The following KCNC3 variants were observed in gnomAD, a reference collection of about 807,000 sequenced individuals.
KCNC3 encodes the protein potassium voltage-gated channel subfamily C member 3.
In KCNC3, 22 loss-of-function variants were observed where a neutral mutation model predicts 43.9. The ratio of observed to expected loss-of-function variants is 0.50; its 90% CI spans 0.36 to 0.72. KCNC3 has a LOEUF of 0.72. Among genes scored for constraint, KCNC3 ranks in the 30% least tolerant of loss-of-function variants. The pLI is 0.00. For synonymous variants in KCNC3, 492 were observed against 488.0 expected (o/e 1.01, Z -0.11); for missense variants, 829 against 1,073.8 (o/e 0.77, Z 3.19).
Position 50,324,060 on chromosome 19 carries a change from A to T in KCNC3, c.893T>A (p.Phe298Tyr). Residue 298 changes from phenylalanine to tyrosine, a missense_variant, in exon 2 of 5, where the codon TTC becomes TAC. By Grantham distance (22) the Phe-to-Tyr change is conservative. Around this residue, in one of 7 missense-constraint regions of KCNC3, gnomAD observed 157 missense variants for 293.5 expected, o/e 0.53. Coordinates refer to ENST00000477616, the MANE Select transcript of KCNC3 (RefSeq NM_004977.3). The surrounding 1 kb of genome is among the most constrained non-coding windows in gnomAD (Gnocchi z 4.1). ...AARYVAFASL[F>Y]FILISITTFC... is the part of the protein sequence containing the mutation. ...GGTGGTGATGGAGATGAGGATGAAG[A>T]AGAGGGAGGCGAAGGCCACATACTG... 1 of 1,601,178 alleles carries T rather than the reference A, an allele frequency of 6.2e-7. No homozygotes were observed. Among genetic ancestry groups the T allele is most frequent in the Non-Finnish European group, 8.5e-7 (1 of 1,172,462 alleles).
chr19:50,315,907 T>C lies in KCNC3; in HGVS notation c.*208A>G, dbSNP rs2036945488. On this transcript the variant is annotated 3_prime_UTR_variant, in exon 5 of 5. Coordinates refer to ENST00000477616, the MANE Select transcript of KCNC3 (RefSeq NM_004977.3). ...ACCCCCGCAGGGAGCTCTGTGGCTT[T>C]TCCAGGCAACGCTAAGGGAGCTGTC... 1 of 330,338 alleles carries C rather than the reference T, an allele frequency of 3.0e-6. No homozygotes were observed. The highest frequency in any genetic ancestry group is 5.8e-6 in the Non-Finnish European group (1 of 171,534). 20.5% of individuals were successfully genotyped at this position (330,338 alleles called of 1,614,324 possible). A position where few individuals can be genotyped will look rare whatever the true frequency, so the allele number is the denominator to read the frequency against.
intron 4 of KCNC3, among the ~76,000 whole-genome samples, chr19:50,318,188 TGA>T: frequency 6.6e-6 from 1 of 152,124 alleles, no homozygotes; most frequent in East Asian, 1.9e-4. Context: ...TTCTTTTTTT[TGA>T]GAGGGAGTCT....
intron 3 of KCNC3, 87 bp downstream of exon 3, chr19:50,320,506 C>G: frequency 7.7e-7 from 1 of 1,303,692 alleles, no homozygotes; most frequent in Admixed American, 2.0e-5. Context: ...AAGTCCACCG[C>G]CTCCTCCCCC....
At chr19:50,316,488 C>T (rs891827384) in intron 4 of KCNC3, among the ~76,000 whole-genome samples, 6 of 152,050 alleles carry the variant, frequency 3.9e-5, no homozygotes, top group African/African-American at 1.4e-4. Flanking sequence ...GACCTGTAAT[C>T]CCAACACTTT....
In KCNC3 at chr19:50,322,981, G is replaced by T. The variant is rs755973472; in HGVS notation, c.1972C>A (p.Arg658=). The part of the protein sequence containing the change: ...LAQEEVIEIN[R]ADPRPNGDPA... ...CCCTGACGCCCAGGCTCACCTGCCC[G>T]GTTGATCTCAATCACCTCCTCCTGA... The change falls in exon 2 of 5, where the codon CGG becomes AGG. Residue 658 remains arginine (R), a synonymous_variant. Transcript: ENST00000477616. 6.4e-7 allele frequency: 1 copy of T among 1,550,444 alleles called. No individual in the cohort carries two copies. Among genetic ancestry groups the T allele is most frequent in the Admixed American group, 2.0e-5 (1 of 51,246 alleles).
chr19:50,317,598 T>C (rs1464947340), intron 4 of KCNC3, among the ~76,000 whole-genome samples: 1 of 152,088 alleles, frequency 6.6e-6, no homozygotes, highest in Admixed American at 6.6e-5. Context: ...TCTTTCTCCC[T>C]GGACTCCAGC....
chr19:50,327,984 T>G, intron 1 of KCNC3, among the ~76,000 whole-genome samples: 1 of 137,506 alleles, frequency 7.3e-6, no homozygotes. Flanking sequence ...TTTGGAGGGG[T>G]CTGGAAGAGC....
At chr19:50,332,268 C>A (rs1170585215), upstream of KCNC3, among the ~76,000 whole-genome samples, 1 of 152,202 alleles carries the variant, frequency 6.6e-6, no homozygotes, top group Non-Finnish European at 1.5e-5. The surrounding 1 kb of genome is among the most constrained non-coding windows in gnomAD (Gnocchi z 5.8). Context: ...CACACTCCCC[C>A]CTCAACCCTG....
chr19:50,313,962 G>GTCAGTC lies in KCNC3; in HGVS notation c.*2147_*2152dup, dbSNP rs1181710666. The GTCAGTC allele has an allele frequency of 6.6e-6, 1 of 152,106 alleles. No homozygotes were observed. The highest frequency in any genetic ancestry group is 2.4e-5 in the African/African-American group (1 of 41,382). 9.4% of individuals were successfully genotyped at this position (152,106 alleles called of 1,614,324 possible). A position where few individuals can be genotyped will look rare whatever the true frequency, so the allele number is the denominator to read the frequency against. On this transcript the variant is annotated 3_prime_UTR_variant, in exon 5 of 5. Transcript: ENST00000477616. ...GGATTGGGAGATGTGGCGTGCCAGG[G>GTCAGTC]TCAGTCTCAGAATTCTGGGTGCAGG...
upstream of KCNC3, among the ~76,000 whole-genome samples, chr19:50,332,356 G>T (rs112689161): frequency 3.9e-5 from 6 of 152,214 alleles, no homozygotes; most frequent in Non-Finnish European, 8.8e-5. This position sits in a 1 kb window ranked among gnomAD's most constrained non-coding sequence, Gnocchi z 5.8. Context: ...GAGGTCAGAA[G>T]TGTGGGAGAA....
At chr19:50,316,380 G>A (rs1407370591) in intron 4 of KCNC3, among the ~76,000 whole-genome samples, 2 of 151,988 alleles carry the variant, frequency 1.3e-5, no homozygotes, top group Non-Finnish European at 2.9e-5. Context: ...GATGTAGGAG[G>A]GAGGAGCAGG....
intron 1 of KCNC3, among the ~76,000 whole-genome samples, chr19:50,326,073 G>T (rs1334253181): frequency 6.6e-6 from 1 of 152,156 alleles, no homozygotes; most frequent in Non-Finnish European, 1.5e-5. Flanking sequence ...GGAAGGGGGC[G>T]GGGGCAGGGG....
At chr19:50,325,768 T>C (rs939775118) in intron 1 of KCNC3, among the ~76,000 whole-genome samples, 1 of 151,756 alleles carries the variant, frequency 6.6e-6, no homozygotes, top group South Asian at 2.1e-4. Context: ...CGCGGACAGC[T>C]CCCCCGCCGC....
chr19:50,328,732 C>G lies in KCNC3; in HGVS notation c.351G>C (p.Leu117=), dbSNP rs1415848261. Residue 117 remains leucine, a synonymous_variant, in exon 1 of 5, where the codon CTG becomes CTC. Coordinates refer to ENST00000477616, the MANE Select transcript of KCNC3 (RefSeq NM_004977.3). ...AGCGTGCCGCCGCCTCGGGCTCCGT[C>G]AGGCCGGCCAGCCGCGTCCCCGGCA... The part of the protein sequence containing the change: ...RTLPGTRLAG[L]TEPEAAARFD... The G allele has an allele frequency of 6.3e-7, 1 of 1,595,532 alleles. No homozygotes were observed. The highest frequency in any genetic ancestry group is 1.1e-5 in the South Asian group (1 of 89,242).
Position 50,320,677 on chromosome 19 carries a change from C to T in KCNC3, c.2086G>A (p.Gly696Arg). The change falls in exon 3 of 5, where the codon GGA (glycine) becomes AGA (arginine). Residue 696 changes from glycine to arginine, a missense_variant. Gly to Arg is a moderately radical substitution (Grantham distance 125). Around this residue, in one of 7 missense-constraint regions of KCNC3, gnomAD observed 308 missense variants for 276.2 expected, o/e 1.11. Coordinates refer to ENST00000477616, the MANE Select transcript of KCNC3 (RefSeq NM_004977.3). ...SPEDKSPITP[G>R]SRGRYSRDRA... Reference sequence around the variant, plus strand: ...TCCCGGCTATAGCGGCCACGGCTTCCAGGCGTGATGGGGCTCTTGTCTTCC... The same window carrying T: ...TCCCGGCTATAGCGGCCACGGCTTCTAGGCGTGATGGGGCTCTTGTCTTCC... 6.2e-7 allele frequency: 1 copy of T among 1,613,778 alleles called. No individual in the cohort carries two copies. The highest frequency in any genetic ancestry group is 8.5e-7 in the Non-Finnish European group (1 of 1,179,952).
chr19:50,317,040 C>T (rs1198859322), intron 4 of KCNC3, among the ~76,000 whole-genome samples: 2 of 151,328 alleles, frequency 1.3e-5, no homozygotes, highest in African/African-American at 4.9e-5. Flanking sequence ...CCTCCCTCAC[C>T]CATAGGCCCA....
intron 1 of KCNC3, among the ~76,000 whole-genome samples, chr19:50,326,232 A>C (rs2037104014): frequency 6.6e-6 from 1 of 152,204 alleles, no homozygotes; most frequent in Admixed American, 6.5e-5. Flanking sequence ...GCTGTCCCGA[A>C]CACCTAGCCT....
rs2037138299 is a variant in KCNC3, at chr19:50,328,690, G to A, written c.393C>T (p.Gly131=). Residue 131 remains glycine, a synonymous_variant, in exon 1 of 5, where the codon GGC becomes GGT. Coordinates refer to ENST00000477616, the MANE Select transcript of KCNC3 (RefSeq NM_004977.3). ...EAAARFDYDP[G]ADEFFFDRHP... is the part of the protein sequence containing the mutation. ...GCCGGTCAAAGAAGAACTCGTCGGC[G>A]CCCGGGTCGTAGTCGAAGCGTGCCG... 6.2e-7 allele frequency: 1 copy of A among 1,605,282 alleles called. No homozygotes were observed. Among genetic ancestry groups the A allele is most frequent in the Non-Finnish European group, 8.5e-7 (1 of 1,176,682 alleles).
Position 50,329,049 on chromosome 19 carries a change from C to G in KCNC3, c.34G>C (p.Gly12Arg), listed in dbSNP as rs1326942763. The G allele has an allele frequency of 2.3e-6, 3 of 1,327,906 alleles. No homozygotes were observed. The highest frequency in any genetic ancestry group is 2.9e-6 in the Non-Finnish European group (3 of 1,038,876). The allele number at this position is 1,327,906 out of a possible 1,614,324, so 82.3% of individuals were successfully genotyped here. The change falls in exon 1 of 5, where the codon GGG becomes CGG. Residue 12 changes from glycine to arginine, a missense_variant. Physicochemically the swap from Gly to Arg is moderately radical, Grantham distance 125. This residue lies in a region of KCNC3 where 129 missense variants were observed against 83.6 expected (regional missense o/e 1.54). Coordinates refer to ENST00000477616, the MANE Select transcript of KCNC3 (RefSeq NM_004977.3). ...TGCTGCTTGCTGGCCCCCTGGCGCCCGCGGAAGGACGAGACGCAGACTGAG... is the reference window on the plus strand; with the variant it reads ...TGCTGCTTGCTGGCCCCCTGGCGCCGGCGGAAGGACGAGACGCAGACTGAG... ...LSSVCVSSFR[G>R]RQGASKQQPA... is the part of the protein sequence containing the mutation.
Sources: allele counts gnomAD v4.1 joint callset (sites outside exome capture counted in the v4.1 genomes callset), GRCh38; gene constraint gnomAD v4.1.1; regional missense constraint gnomAD v4.1.1; non-coding constraint Gnocchi (gnomAD v3.1); transcripts MANE v1.5; gene names NCBI Gene and HGNC (gene_info 2026-07-23, HGNC 2026-07-21).